AGFG2: variants seen among roughly 807,000 people sequenced by gnomAD.
AGFG2 encodes the protein arf-GAP domain and FG repeat-containing protein 2.
In AGFG2, 31 loss-of-function variants were observed where a neutral mutation model predicts 48.0. The ratio of observed to expected loss-of-function variants is 0.65; its 90% CI spans 0.49 to 0.87. The LOEUF is 0.87. Ranked by LOEUF, AGFG2 falls within the 40% of genes least tolerant of loss-of-function variation. The pLI, the probability that AGFG2 is intolerant of heterozygous loss-of-function variation, is 0.00. For missense variants in AGFG2, 599 were observed against 632.6 expected, an observed-to-expected ratio of 0.95 and a Z score of 0.57; for synonymous variants, 229 against 260.8, an observed-to-expected ratio of 0.88 and a Z score of 1.18.
intron 2 of AGFG2, 63 bp from the exon 3 acceptor site, chr7:100,550,333 A>C: frequency 6.4e-5 from 44 of 690,988 alleles, no homozygotes; most frequent in Middle Eastern, 2.8e-4. Flanking sequence ...AAAAAAAAGG[A>C]AGTGGTATTT....
intron 9 of AGFG2, among the ~76,000 whole-genome samples, chr7:100,563,612 G>T (rs1395940430): frequency 2.6e-5 from 4 of 152,224 alleles, no homozygotes; most frequent in Admixed American, 2.6e-4. Flanking sequence ...CCGCGCCCGT[G>T]CCTGGAACTA....
At chr7:100,549,327 C>T (rs1345747584) in intron 2 of AGFG2, among the ~76,000 whole-genome samples, 1 of 152,154 alleles carries the variant, frequency 6.6e-6, no homozygotes, top group Non-Finnish European at 1.5e-5. Context: ...AACCCCTTCC[C>T]TAGCTAAATC....
Position 100,565,179 on chromosome 7 carries a change from G to A in AGFG2, c.*188G>A, listed in dbSNP as rs1800979638. 3.0e-6 allele frequency: 2 copies of A among 660,436 alleles called. No homozygotes were observed. Among genetic ancestry groups the A allele is most frequent in the East Asian group, 5.3e-5 (2 of 37,478 alleles). The allele number at this position is 660,436 out of a possible 1,614,324, so 40.9% of individuals were successfully genotyped here. ...CCACAAAGCCTCTCTCCCCTCCCTC[G>A]TCCCACCCCCACCCAGGCAGGAAGC... On this transcript the variant is annotated 3_prime_UTR_variant, in exon 12 of 12. Transcript: ENST00000300176.
intron 6 of AGFG2, among the ~76,000 whole-genome samples, chr7:100,557,910 C>CA (rs2131118472): frequency 6.6e-6 from 1 of 151,954 alleles, no homozygotes; most frequent in Non-Finnish European, 1.5e-5. Flanking sequence ...AGGTAACACC[C>CA]AGAAAAAAAA....
intron 6 of AGFG2, among the ~76,000 whole-genome samples, chr7:100,559,048 T>G (rs1800813995): frequency 6.6e-6 from 1 of 151,558 alleles, no homozygotes; most frequent in Admixed American, 6.6e-5. Flanking sequence ...GCAGGAAGAT[T>G]GCTTGAACCC....
At chr7:100,557,670 A>G (rs914280016) in intron 6 of AGFG2, among the ~76,000 whole-genome samples, 5 of 152,048 alleles carry the variant, frequency 3.3e-5, no homozygotes, top group Non-Finnish European at 2.9e-5. Context: ...CCTGACCTCA[A>G]GTGATCCGCC....
intron 1 of AGFG2, among the ~76,000 whole-genome samples, chr7:100,540,119 T>TAAA (rs375004765): frequency 3.2e-5 from 4 of 125,998 alleles, no homozygotes; most frequent in African/African-American, 8.9e-5. Context: ...AGTACAGGAT[T>TAAA]AAAAAAAAAA....
chr7:100,561,897 C>T (rs1345649104), intron 6 of AGFG2, among the ~76,000 whole-genome samples: 2 of 152,120 alleles, frequency 1.3e-5, no homozygotes, highest in East Asian at 1.9e-4. Flanking sequence ...AATGGAAATG[C>T]GGGCTTGAGG....
chr7:100,546,294 C>A (rs1800510035), intron 1 of AGFG2, among the ~76,000 whole-genome samples: 1 of 151,670 alleles, frequency 6.6e-6, no homozygotes, highest in Admixed American at 6.6e-5. Context: ...AGGAAGCATA[C>A]CTCCCTGTTT....
chr7:100,549,675 GTTTA>G (rs762684092), intron 2 of AGFG2, among the ~76,000 whole-genome samples: 12 of 151,488 alleles, frequency 7.9e-5, no homozygotes, highest in Non-Finnish European at 1.3e-4. Flanking sequence ...CTCAATATTT[GTTTA>G]TTTATTTATT....
chr7:100,539,209 C>T lies in AGFG2; in HGVS notation c.-138C>T. ...CAGGACGGGCAAGGAGGGTGGTGGA[C>T]GGCGAAGTCTCCTGCGGATGCCGCC... is the stretch of plus-strand genomic sequence containing the variant. On this transcript the variant is annotated 5_prime_UTR_variant, in exon 1 of 12. In the 5' UTR this introduces an upstream ATG that the reference lacks. Coordinates refer to ENST00000300176, the MANE Select transcript of AGFG2 (RefSeq NM_006076.5). 3 of 830,500 alleles carry T rather than the reference C, an allele frequency of 3.6e-6. No homozygotes were observed. The highest frequency in any genetic ancestry group is 4.0e-4 in the Middle Eastern group (1 of 2,486). 51.4% of individuals were successfully genotyped at this position (830,500 alleles called of 1,614,324 possible). A position where few individuals can be genotyped will look rare whatever the true frequency, so the allele number is the denominator to read the frequency against.
chr7:100,554,113 T>A lies in AGFG2; in HGVS notation c.606T>A (p.Ala202=). The A allele has an allele frequency of 6.2e-7, 1 of 1,613,914 alleles. No homozygotes were observed. The highest frequency in any genetic ancestry group is 8.5e-7 in the Non-Finnish European group (1 of 1,179,890). ...TSSQPVSQSH[A]RTSQARSTQP... Reference sequence around the variant, plus strand: ...CCAAGCCCGTCAGTCAGTCTCACGCTCGGACATCCCAGGCCCGGAGCACTC... The same window carrying A: ...CCAAGCCCGTCAGTCAGTCTCACGCACGGACATCCCAGGCCCGGAGCACTC... Residue 202 remains alanine (A), a synonymous_variant, in exon 5 of 12, where the codon GCT becomes GCA. Transcript: ENST00000300176.
chr7:100,562,136 C>A lies in AGFG2; in HGVS notation c.878-123C>A. 2 of 1,354,250 alleles carry A rather than the reference C, an allele frequency of 1.5e-6. No homozygotes were observed. The highest frequency in any genetic ancestry group is 1.0e-6 in the Non-Finnish European group (1 of 987,240). 83.9% of individuals were successfully genotyped at this position (1,354,250 alleles called of 1,614,324 possible). Reference sequence around the variant, plus strand: ...TGAGAAAATGGGCTGCCTCAGAGAACCCAGCAGGCACCTGTCATGCCATGA... The same window carrying A: ...TGAGAAAATGGGCTGCCTCAGAGAAACCAGCAGGCACCTGTCATGCCATGA... On this transcript the variant is annotated intron_variant, in intron 6 of 11. Coordinates refer to ENST00000300176, the MANE Select transcript of AGFG2 (RefSeq NM_006076.5). The surrounding 1 kb of genome is among the most constrained non-coding windows in gnomAD (Gnocchi z 5.4).
chr7:100,544,912 A>G (rs920119575), intron 1 of AGFG2, among the ~76,000 whole-genome samples: 92 of 152,316 alleles, frequency 6.0e-4, no homozygotes, highest in Admixed American at 1.2e-3. Flanking sequence ...GGGTTGAAGC[A>G]GAATTTAGAT....
intron 1 of AGFG2, among the ~76,000 whole-genome samples, chr7:100,542,975 C>G (rs1800449104): frequency 6.6e-6 from 1 of 152,148 alleles, no homozygotes; most frequent in South Asian, 2.1e-4. Context: ...AGAAATCGTT[C>G]TGTATTGCTA....
intron 6 of AGFG2, among the ~76,000 whole-genome samples, chr7:100,558,122 G>A (rs1038862097): frequency 1.3e-5 from 2 of 152,162 alleles, no homozygotes; most frequent in African/African-American, 4.8e-5. Context: ...GCTGAGGCAG[G>A]AGAATCACTT....
intron 1 of AGFG2, among the ~76,000 whole-genome samples, chr7:100,542,462 A>G (rs958176040): frequency 6.6e-6 from 1 of 152,258 alleles, no homozygotes; most frequent in Non-Finnish European, 1.5e-5. Context: ...TGAAAGATCA[A>G]GAGGTTAGGC....
chr7:100,564,628 C>T (rs999436896), intron 11 of AGFG2, among the ~76,000 whole-genome samples: 5 of 152,042 alleles, frequency 3.3e-5, no homozygotes, highest in Non-Finnish European at 7.4e-5. Flanking sequence ...CTCAGCCTCC[C>T]AAGTAGCAGG....
rs1800371050 is a variant in AGFG2, at chr7:100,539,293, G to A, written c.-54G>A. The A allele has an allele frequency of 7.9e-7, 1 of 1,271,548 alleles. No homozygotes were observed. Among genetic ancestry groups the A allele is most frequent in the Non-Finnish European group, 9.9e-7 (1 of 1,005,550 alleles). 78.8% of individuals were successfully genotyped at this position (1,271,548 alleles called of 1,614,324 possible). ...GCGGAGGCGGCTGAGGAGGCGGGAA[G>A]GCGGCAGTGGTTGAAGGGGTGATTG... On this transcript the variant is annotated 5_prime_UTR_variant, in exon 1 of 12. Coordinates refer to ENST00000300176, the MANE Select transcript of AGFG2 (RefSeq NM_006076.5).
Sources: allele counts gnomAD v4.1 joint callset (sites outside exome capture counted in the v4.1 genomes callset), GRCh38; gene constraint gnomAD v4.1.1; non-coding constraint Gnocchi (gnomAD v3.1); transcripts MANE v1.5; gene names NCBI Gene and HGNC (gene_info 2026-07-23, HGNC 2026-07-21).